Variants in ADAT2 observed in about 807,000 individuals in gnomAD.
ADAT2 encodes adenosine deaminase tRNA specific 2, also known as tRNA-specific adenosine-34 deaminase catalytic subunit ADAT2.
Under a neutral mutation model 25.9 loss-of-function variants are expected in ADAT2, and 26 were observed. The observed-to-expected ratio is 1.00, with a 90% CI of 0.74 to 1.39. The LOEUF (loss-of-function observed/expected upper bound fraction) is 1.39, where lower values mean the gene tolerates loss of function less well. Among genes scored for constraint, ADAT2 ranks in the 40% most tolerant of loss-of-function variants. The pLI, the probability that ADAT2 is intolerant of heterozygous loss-of-function variation, is 0.00. For missense variants in ADAT2, 220 were observed against 244.8 expected (o/e 0.90, Z 0.68); for synonymous variants, 76 against 86.8 (o/e 0.88, Z 0.69).
chr6:143,444,071 A>G lies in ADAT2; in HGVS notation c.97-5377T>C, dbSNP rs1283653257. Among the ~76,000 whole-genome samples, 3 of 152,056 alleles carry G rather than the reference A, an allele frequency of 2.0e-5. No homozygotes were observed. Among genetic ancestry groups the G allele is most frequent in the African/African-American group, 7.2e-5 (3 of 41,410 alleles). The stretch of plus-strand genomic sequence containing the variant: ...TTCACCTGGAGATAGCACCCACGCC[A>G]CCATGTTACTGGGTTTGTGCCTTCC... On this transcript the variant is annotated intron_variant, in intron 1 of 5. Transcript: ENST00000237283. This position sits in a 1 kb window ranked among gnomAD's most constrained non-coding sequence, Gnocchi z 4.3.
Position 143,434,791 on chromosome 6 carries a change from A to C in ADAT2, c.202-810T>G, listed in dbSNP as rs765628093. ...TCTTTCTCCCTTACTAAAATAGCTT[A>C]AAGTGAATCATAGATTCTATATGGA... On this transcript the variant is annotated intron_variant, in intron 2 of 5. Transcript: ENST00000237283. The surrounding 1 kb of genome is among the most constrained non-coding windows in gnomAD (Gnocchi z 4.5). 5.9e-5 allele frequency among the ~76,000 whole-genome samples: 9 copies of C among 152,210 alleles called. No individual in the cohort carries two copies. The East Asian group carries it at 1.7e-3, about 29-fold the overall frequency.
intron 4 of ADAT2, among the ~76,000 whole-genome samples, chr6:143,430,398 C>T (rs1165483031): frequency 6.6e-6 from 1 of 152,182 alleles, no homozygotes; most frequent in African/African-American, 2.4e-5. Flanking sequence ...GAGTCAGGCA[C>T]AGAAGCCTCC....
intron 1 of ADAT2, among the ~76,000 whole-genome samples, chr6:143,443,830 TA>T (rs397970399): frequency 1.5e-3 from 198 of 131,758 alleles, no homozygotes; most frequent in Non-Finnish European, 1.4e-3. Context: ...AACTCTGTCT[TA>T]AAAAAAAAAA....
rs140534428 is a variant in ADAT2, at chr6:143,430,502, T to G, written c.460-1818A>C. Among the ~76,000 whole-genome samples the G allele has an allele frequency of 8.1e-4, 124 of 152,282 alleles. No homozygotes were observed. The Middle Eastern group carries it at 0.02, about 25-fold the overall frequency. ...CCTAACACACCAATATAATATATTA[T>G]TTACATTTTCAAGTATCCATTATAG... On this transcript the variant is annotated intron_variant, in intron 4 of 5. Transcript: ENST00000237283.
At position 143,428,496 on chromosome 6, in the gene ADAT2, C is replaced by G. The variant is rs373143968; in HGVS notation, c.543G>C (p.Ser181=). The G allele has an allele frequency of 8.0e-5, 129 of 1,613,770 alleles. 2 individuals carry two copies. The South Asian group carries it at 1.4e-3, about 17-fold the overall frequency. ...TCTGACATTCCTTTTTCCGAACTTT[C>G]GATTTTGGTGCTGTGAAAAGAATAG... ...YKQENPNAPK[S]KVRKKECQKS The change falls in exon 6 of 6, where the codon TCG becomes TCC. Residue 181 remains serine, a synonymous_variant. Transcript: ENST00000237283. The surrounding 1 kb of genome is among the most constrained non-coding windows in gnomAD (Gnocchi z 5.0).
chr6:143,426,488 C>G lies in ADAT2; in HGVS notation c.*1975G>C, dbSNP rs1778938587. On this transcript the variant is annotated 3_prime_UTR_variant, in exon 6 of 6. Transcript: ENST00000237283. This position sits in a 1 kb window ranked among gnomAD's most constrained non-coding sequence, Gnocchi z 4.1. The stretch of plus-strand genomic sequence containing the variant: ...GATAGGTTAATTACTGAAGAGGGAA[C>G]CAAAAAGATGGTAAACCACAATTAA... The G allele has an allele frequency of 6.6e-6, 1 of 152,040 alleles. No individual in the cohort carries two copies. Among genetic ancestry groups the G allele is most frequent in the Non-Finnish European group, 1.5e-5 (1 of 67,996 alleles). The allele number at this position is 152,040 out of a possible 1,614,324, so 9.4% of individuals were successfully genotyped here.
rs1779135612 is a variant in ADAT2 at position 143,432,203 on chromosome 6, C to T, written c.459+302G>A. 6.6e-6 allele frequency among the ~76,000 whole-genome samples: 1 copy of T among 152,040 alleles called. No individual in the cohort carries two copies. ...AACGTTCATTGAATAAAAACTCCAA[C>T]AGCGAGAGTGTCTTCAGGCATACCT... is the stretch of plus-strand genomic sequence containing the variant. On this transcript the variant is annotated intron_variant, in intron 4 of 5. Transcript: ENST00000237283. The surrounding 1 kb of genome is among the most constrained non-coding windows in gnomAD (Gnocchi z 4.4).
At chr6:143,449,768 C>G (rs1779705928) in intron 1 of ADAT2, 1 of 152,068 alleles carries the variant, frequency 6.6e-6, no homozygotes, top group East Asian at 1.9e-4. Context: ...TAAAAGGTAG[C>G]GAAAGTGTTT....
At chr6:143,435,157 T>TTTAAA (rs59627912) in intron 2 of ADAT2, among the ~76,000 whole-genome samples, 5 of 122,072 alleles carry the variant, frequency 4.1e-5, no homozygotes, top group Non-Finnish European at 8.6e-5. Context: ...GTGGAGAGTT[T>TTTAAA]AAAAAAAAAA....
Position 143,442,510 on chromosome 6 carries a change from C to CAT in ADAT2, c.97-3817_97-3816insAT, listed in dbSNP as rs1554279354. On this transcript the variant is annotated intron_variant, in intron 1 of 5. Coordinates refer to ENST00000237283, the MANE Select transcript of ADAT2 (RefSeq NM_182503.3). The surrounding 1 kb of genome is among the most constrained non-coding windows in gnomAD (Gnocchi z 4.6). ...ACACACACACACACACACACACACA[C>CAT]GTACAAATAAAACTGATGACATCTT... Among the ~76,000 whole-genome samples the CAT allele has an allele frequency of 2.0e-5, 3 of 151,062 alleles. No individual in the cohort carries two copies. In the East Asian group the frequency reaches 5.8e-4, roughly 29 times the overall value.
chr6:143,438,488 C>A (rs149001339), intron 2 of ADAT2, 102 bp downstream of exon 2: 1 of 767,786 alleles, frequency 1.3e-6, no homozygotes, highest in Non-Finnish European at 2.1e-6. Flanking sequence ...CTGGCAGCTA[C>A]GGGACTATAT....
At chr6:143,448,069 AAAAAAGGATGAGTTCATCCTT>A (rs546754489) in intron 1 of ADAT2, among the ~76,000 whole-genome samples, 111 of 152,306 alleles carry the variant, frequency 7.3e-4, no homozygotes, top group African/African-American at 2.6e-3. Context: ...ATGCAGCCAT[AAAAAAGGATGAGTTCATCCTT>A]TTCATTTGTA....
In ADAT2 at chr6:143,436,259, C is replaced by T. The variant is rs1779276045; in HGVS notation, c.202-2278G>A. ...GAACTCCCCCAGCAGATGTCTGATG[C>T]TAAGAACATGATGGCTGCCTATGAC... is the stretch of plus-strand genomic sequence containing the variant. On this transcript the variant is annotated intron_variant, in intron 2 of 5. Transcript: ENST00000237283. This position sits in a 1 kb window ranked among gnomAD's most constrained non-coding sequence, Gnocchi z 4.1. 1 of 220,406 alleles carries T rather than the reference C, an allele frequency of 4.5e-6. No individual in the cohort carries two copies. The highest frequency in any genetic ancestry group is 4.1e-5 in the Admixed American group (1 of 24,376). 13.7% of individuals were successfully genotyped at this position (220,406 alleles called of 1,614,324 possible).
intron 1 of ADAT2, chr6:143,441,676 T>C (rs1268488496): frequency 2.0e-5 from 3 of 152,196 alleles, no homozygotes; most frequent in South Asian, 2.1e-4. Flanking sequence ...CTGCTACTAA[T>C]ACCAGGGATT....
At chr6:143,449,293 C>G in intron 1 of ADAT2, among the ~76,000 whole-genome samples, 1 of 152,178 alleles carries the variant, frequency 6.6e-6, no homozygotes, top group East Asian at 1.9e-4. Flanking sequence ...ATCAAGAGAT[C>G]CTCTTGCTTC....
rs768135358 is a variant in ADAT2, at chr6:143,444,969, C to T, written c.96+5594G>A. ...TTGATGAGTCCTTAAAGAAATATTT[C>T]CTATAAAGACAAAAAATTAGGGGGA... On this transcript the variant is annotated intron_variant, in intron 1 of 5. Coordinates refer to ENST00000237283, the MANE Select transcript of ADAT2 (RefSeq NM_182503.3). This position sits in a 1 kb window ranked among gnomAD's most constrained non-coding sequence, Gnocchi z 4.3. 30 of 1,302,580 alleles carry T rather than the reference C, an allele frequency of 2.3e-5. No individual in the cohort carries two copies. The South Asian group carries it at 3.6e-4, about 16-fold the overall frequency. 80.7% of individuals were successfully genotyped at this position (1,302,580 alleles called of 1,614,324 possible). A position where few individuals can be genotyped will look rare whatever the true frequency, so the allele number is the denominator to read the frequency against.
Position 143,440,601 on chromosome 6 carries a change from G to A in ADAT2, c.97-1907C>T, listed in dbSNP as rs554676958. 6.6e-6 allele frequency among the ~76,000 whole-genome samples: 1 copy of A among 152,180 alleles called. No individual in the cohort carries two copies. Among genetic ancestry groups the A allele is most frequent in the African/African-American group, 2.4e-5 (1 of 41,462 alleles). On this transcript the variant is annotated intron_variant, in intron 1 of 5. Transcript: ENST00000237283. This position sits in a 1 kb window ranked among gnomAD's most constrained non-coding sequence, Gnocchi z 4.5. ...TATTTTATGAACTATCCACAGGCCG[G>A]TTGTGTCCCAGTTCTGTGACAGTGG... is the stretch of plus-strand genomic sequence containing the variant.
chr6:143,430,853 CTG>C (rs1779093153), intron 4 of ADAT2, among the ~76,000 whole-genome samples: 1 of 152,222 alleles, frequency 6.6e-6, no homozygotes, highest in Non-Finnish European at 1.5e-5. Context: ...GCATGAGCCA[CTG>C]CACCCAGCCA....
At chr6:143,449,134 T>C (rs1401322174) in intron 1 of ADAT2, among the ~76,000 whole-genome samples, 1 of 151,984 alleles carries the variant, frequency 6.6e-6, no homozygotes, top group Non-Finnish European at 1.5e-5. Context: ...GCGACCTCAA[T>C]CTCCCAAGGC....
Sources: allele counts gnomAD v4.1 joint callset (sites outside exome capture counted in the v4.1 genomes callset), GRCh38; gene constraint gnomAD v4.1.1; non-coding constraint Gnocchi (gnomAD v3.1); transcripts MANE v1.5; gene names NCBI Gene and HGNC (gene_info 2026-07-23, HGNC 2026-07-21).